The following ANO4 variants were observed in gnomAD, a reference collection of about 807,000 sequenced individuals.
ANO4 encodes the protein anoctamin 4.
In ANO4, 69 loss-of-function variants were observed where a neutral mutation model predicts 141.9. That is an observed-to-expected ratio of 0.49 (90% CI 0.40 to 0.59). The LOEUF is 0.59. ANO4 is among the 20% of genes least tolerant of loss of function. The pLI is 0.00. For missense variants in ANO4, 894 were observed against 1,162.2 expected, an observed-to-expected ratio of 0.77 and a Z score of 3.36; for synonymous variants, 350 against 394.3, an observed-to-expected ratio of 0.89 and a Z score of 1.33.
intron 3 of ANO4, among the ~76,000 whole-genome samples, chr12:100,759,442 C>T (rs1273424804): frequency 6.6e-6 from 1 of 152,168 alleles, no homozygotes; most frequent in African/African-American, 2.4e-5. Flanking sequence ...TCATTTCTTT[C>T]TCCTTGTTCT....
intron 22 of ANO4, among the ~76,000 whole-genome samples, chr12:101,108,522 G>T (rs1436982444): frequency 2.0e-5 from 3 of 152,154 alleles, no homozygotes; most frequent in African/African-American, 7.2e-5. Flanking sequence ...AAAATTAAAT[G>T]AGTTAGTGTA....
intron 1 of ANO4, among the ~76,000 whole-genome samples, chr12:100,728,040 ATTTTAC>A (rs1173775821): frequency 2.0e-5 from 3 of 152,036 alleles, no homozygotes; most frequent in Non-Finnish European, 4.4e-5. Flanking sequence ...ATTATTTAGT[ATTTTAC>A]TTTTATTCTT....
At chr12:100,723,944 C>T (rs998680550) in intron 1 of ANO4, among the ~76,000 whole-genome samples, 3 of 152,058 alleles carry the variant, frequency 2.0e-5, no homozygotes, top group African/African-American at 4.8e-5. Flanking sequence ...CTAGAACAAA[C>T]AATTTAAAAT....
intron 1 of ANO4, among the ~76,000 whole-genome samples, chr12:100,848,452 T>G (rs1451885988): frequency 1.3e-5 from 2 of 152,200 alleles, no homozygotes; most frequent in Non-Finnish European, 2.9e-5. Context: ...CTGGGACCCA[T>G]GCCCAAAAAT....
intron 1 of ANO4, among the ~76,000 whole-genome samples, chr12:100,797,816 A>G (rs1025705757): frequency 3.9e-5 from 6 of 152,164 alleles, no homozygotes; most frequent in Admixed American, 3.3e-4. Flanking sequence ...GCCATTTTAT[A>G]TATGTGAACA....
intron 14 of ANO4, among the ~76,000 whole-genome samples, chr12:101,066,244 A>G (rs140903479): frequency 0.011 from 1,628 of 152,330 alleles, 29 homozygotes; most frequent in African/African-American, 0.037. Flanking sequence ...TCAACATAGT[A>G]CTGGAAGTCC....
chr12:100,724,451 A>C (rs1477467171), intron 1 of ANO4, among the ~76,000 whole-genome samples: 3 of 152,212 alleles, frequency 2.0e-5, no homozygotes, highest in African/African-American at 7.2e-5. Flanking sequence ...GCAGAGGAGA[A>C]TACTACTAGA....
At chr12:100,889,476 A>G (rs1037627790) in intron 1 of ANO4, among the ~76,000 whole-genome samples, 2 of 152,158 alleles carry the variant, frequency 1.3e-5, no homozygotes, top group African/African-American at 2.4e-5. Context: ...ACAATGGTTG[A>G]ACTAGTTTAC....
chr12:100,821,599 T>G (rs1728333018), intron 1 of ANO4, among the ~76,000 whole-genome samples: 1 of 151,220 alleles, frequency 6.6e-6, no homozygotes, highest in African/African-American at 2.4e-5. Flanking sequence ...TATCACAATA[T>G]ATATGATTTT....
chr12:100,900,290 T>A (rs2040531508), intron 1 of ANO4, among the ~76,000 whole-genome samples: 1 of 152,084 alleles, frequency 6.6e-6, no homozygotes. Flanking sequence ...TTTCTCTTTT[T>A]ATTTACTTAC....
chr12:101,094,729 TA>T (rs2049912643), intron 18 of ANO4, among the ~76,000 whole-genome samples: 1 of 152,180 alleles, frequency 6.6e-6, no homozygotes, highest in African/African-American at 2.4e-5. Flanking sequence ...CTCACATCTG[TA>T]ATCCCAGCAC....
At position 101,042,439 on chromosome 12, in the gene ANO4, C is replaced by G; in HGVS notation, c.1125C>G (p.Gly375=). ...AFIGLFVFLY[G]VTTLDHSQVS... ...TTGGATTGTTTGTCTTTTTGTATGG[C>G]GTCACCACTCTGGATCACAGCCAAG... The change falls in exon 12 of 28, where the codon GGC becomes GGG. Residue 375 remains glycine (G), a synonymous_variant. Coordinates refer to ENST00000392977, the MANE Select transcript of ANO4 (RefSeq NM_001286615.2). 1 of 1,614,062 alleles carries G rather than the reference C, an allele frequency of 6.2e-7. No homozygotes were observed. Among genetic ancestry groups the G allele is most frequent in the Non-Finnish European group, 8.5e-7 (1 of 1,179,992 alleles).
At chr12:101,057,075 A>C (rs145045249) in intron 14 of ANO4, among the ~76,000 whole-genome samples, 2 of 150,724 alleles carry the variant, frequency 1.3e-5, no homozygotes, top group African/African-American at 4.9e-5. Flanking sequence ...TCATTGTTCA[A>C]CTCCCACTTA....
chr12:100,984,166 G>T (rs1014680396), intron 7 of ANO4, among the ~76,000 whole-genome samples: 9 of 151,972 alleles, frequency 5.9e-5, no homozygotes, highest in Admixed American at 3.9e-4. Context: ...GTGCGATCTC[G>T]GCTCACTGCA....
chr12:100,956,843 T>A (rs897717032), intron 5 of ANO4, among the ~76,000 whole-genome samples: 1 of 152,234 alleles, frequency 6.6e-6, no homozygotes, highest in Admixed American at 6.5e-5. Context: ...TAGTCTTGAT[T>A]CCTTATGTCA....
At chr12:100,842,069 C>CCCA (rs2037289142) in intron 1 of ANO4, 1 of 108,996 alleles carries the variant, frequency 9.2e-6, no homozygotes, top group Non-Finnish European at 2.0e-5. Flanking sequence ...CCACCCCCCC[C>CCCA]CCCCCCCCAC....
chr12:101,016,517 A>G (rs1372266770), intron 8 of ANO4, among the ~76,000 whole-genome samples: 1 of 152,186 alleles, frequency 6.6e-6, no homozygotes, highest in Non-Finnish European at 1.5e-5. Flanking sequence ...ATTCCATTTC[A>G]AAATTAGATT....
intron 5 of ANO4, among the ~76,000 whole-genome samples, chr12:100,949,890 A>G (rs1338507928): frequency 6.6e-6 from 1 of 152,178 alleles, no homozygotes; most frequent in Non-Finnish European, 1.5e-5. Flanking sequence ...CAAAAACTGT[A>G]TTTGATTGTC....
intron 8 of ANO4, among the ~76,000 whole-genome samples, chr12:101,000,798 A>G (rs574323396): frequency 1.0e-3 from 153 of 152,350 alleles, no homozygotes; most frequent in African/African-American, 3.2e-3. Context: ...TCAGGTGGGA[A>G]AAGCATACCT....
Sources: allele counts gnomAD v4.1 joint callset (sites outside exome capture counted in the v4.1 genomes callset), GRCh38; gene constraint gnomAD v4.1.1; transcripts MANE v1.5; gene names NCBI Gene and HGNC (gene_info 2026-07-23, HGNC 2026-07-21).